Variants in ANKRD30A observed in about 807,000 individuals in gnomAD.
The protein encoded by ANKRD30A is ankyrin repeat domain 30A, also known as ankyrin repeat domain-containing protein 30A.
A neutral mutation model predicts 166.3 loss-of-function variants in ANKRD30A; 170 were observed. That is an observed-to-expected ratio of 1.02 (90% CI 0.90 to 1.16). The LOEUF is 1.16. Ranked by LOEUF, ANKRD30A falls within the 50% of genes most tolerant of loss-of-function variation. The probability of loss-of-function intolerance (pLI) is 0.00; values close to 1 mark genes in which losing one functional copy is unlikely to be tolerated. For synonymous variants in ANKRD30A, 564 were observed against 508.9 expected (o/e 1.11, Z -1.46); for missense variants, 1,630 against 1,518.0 (o/e 1.07, Z -1.23).
the ANKRD30A span, among the ~76,000 whole-genome samples, chr10:37,251,940 T>C: frequency 6.6e-6 from 1 of 152,156 alleles, no homozygotes; most frequent in African/African-American, 2.4e-5. Flanking sequence ...TGGTTGCTCC[T>C]AGCCTTTGAT....
chr10:37,161,563 A>G (rs1349606699), intron 15 of ANKRD30A, among the ~76,000 whole-genome samples: 1 of 152,196 alleles, frequency 6.6e-6, no homozygotes, highest in Non-Finnish European at 1.5e-5. Flanking sequence ...TGAGAAGAAC[A>G]GTTGAGTGAA....
At chr10:37,160,091 A>G (rs1838736811) in intron 15 of ANKRD30A, among the ~76,000 whole-genome samples, 1 of 152,202 alleles carries the variant, frequency 6.6e-6, no homozygotes, top group Non-Finnish European at 1.5e-5. Flanking sequence ...TGGACCCAAT[A>G]CAATTAGCTC....
chr10:37,131,840 A>G (rs931775337), intron 3 of ANKRD30A, among the ~76,000 whole-genome samples: 1 of 152,224 alleles, frequency 6.6e-6, no homozygotes, highest in African/African-American at 2.4e-5. Flanking sequence ...GCTTCTGGTA[A>G]GGTAATTATT....
intron 4 of ANKRD30A, 40 bp from the exon 5 acceptor site, chr10:37,133,876 T>A (rs756938689): frequency 6.2e-7 from 1 of 1,606,852 alleles, no homozygotes; most frequent in Non-Finnish European, 8.5e-7. Flanking sequence ...ATTAAATTGG[T>A]TCTGCTCATA....
chr10:37,257,338 A>G, the ANKRD30A span, among the ~76,000 whole-genome samples: 1 of 150,452 alleles, frequency 6.6e-6, no homozygotes. Flanking sequence ...ATCTTTTCAA[A>G]AAAAAAAACA....
At position 37,196,376 on chromosome 10, in the gene ANKRD30A, T is replaced by C. The variant is rs577533990; in HGVS notation, c.2615-905T>C. ...ATATATATTTTGTTGATGTTAGCTA[T>C]TGAAATGAGATATATTGGAAACTAA... is the stretch of plus-strand genomic sequence containing the variant. On this transcript the variant is annotated intron_variant, in intron 27 of 35. Coordinates refer to ENST00000361713, the MANE Select transcript of ANKRD30A (RefSeq NM_052997.3). Among the ~76,000 whole-genome samples, 138 of 152,244 alleles carry C rather than the reference T, an allele frequency of 9.1e-4. 1 individual carries two copies. The highest frequency in any genetic ancestry group is 3.3e-3 in the African/African-American group (135 of 41,528).
chr10:37,196,590 T>G (rs1432378628), intron 27 of ANKRD30A, among the ~76,000 whole-genome samples: 2 of 152,206 alleles, frequency 1.3e-5, no homozygotes, highest in Non-Finnish European at 2.9e-5. Flanking sequence ...TTAAAAAAGT[T>G]ATTTATGTTT....
rs575667387 is a variant in ANKRD30A, at chr10:37,219,782, T to A, written c.4070T>A (p.Leu1357His). The change falls in exon 34 of 36, where the codon CTT (leucine) becomes CAT (histidine). Residue 1357 changes from leucine (L) to histidine (H), a missense_variant. Physicochemically the swap from Leu to His is moderately conservative, Grantham distance 99. Coordinates refer to ENST00000361713, the MANE Select transcript of ANKRD30A (RefSeq NM_052997.3). ...KSKITIDIHF[L>H]ERKMQHHLLK... Reference sequence around the variant, plus strand: ...AAGATAACAATTGATATTCATTTTCTTGAGAGGAAAATGCAACATCATCTC... The same window carrying A: ...AAGATAACAATTGATATTCATTTTCATGAGAGGAAAATGCAACATCATCTC... 6.2e-7 allele frequency: 1 copy of A among 1,607,716 alleles called. No homozygotes were observed. Among genetic ancestry groups the A allele is most frequent in the Admixed American group, 1.7e-5 (1 of 59,402 alleles).
chr10:37,198,281 G>A (rs1217020739), intron 29 of ANKRD30A, among the ~76,000 whole-genome samples: 1 of 151,944 alleles, frequency 6.6e-6, no homozygotes, highest in Non-Finnish European at 1.5e-5. Context: ...GCAGTGTAAT[G>A]TTCGGCAACA....
the ANKRD30A span, among the ~76,000 whole-genome samples, chr10:37,257,968 G>T: frequency 6.6e-6 from 1 of 152,134 alleles, no homozygotes; most frequent in Non-Finnish European, 1.5e-5. Context: ...CTTGTCAGGG[G>T]TTGGAGGGGA....
At chr10:37,183,341 T>C (rs1489037597) in intron 24 of ANKRD30A, among the ~76,000 whole-genome samples, 1 of 144,698 alleles carries the variant, frequency 6.9e-6, no homozygotes, top group African/African-American at 2.5e-5. Context: ...TTATGTGAAC[T>C]ATTAGGCCCC....
intron 13 of ANKRD30A, among the ~76,000 whole-genome samples, chr10:37,157,218 G>A (rs1838454918): frequency 6.6e-6 from 1 of 152,172 alleles, no homozygotes; most frequent in African/African-American, 2.4e-5. Flanking sequence ...ACCTGGCACG[G>A]TGTAACAAAT....
At chr10:37,236,959 T>C (rs1843697157), downstream of ANKRD30A, among the ~76,000 whole-genome samples, 1 of 152,236 alleles carries the variant, frequency 6.6e-6, no homozygotes, top group African/African-American at 2.4e-5. Flanking sequence ...ATAGATTATA[T>C]TGACTACCAC....
At chr10:37,160,524 G>A (rs909128095) in intron 15 of ANKRD30A, among the ~76,000 whole-genome samples, 1 of 152,074 alleles carries the variant, frequency 6.6e-6, no homozygotes, top group African/African-American at 2.4e-5. Flanking sequence ...AAATGCATAA[G>A]GTTCTAAAGT....
the ANKRD30A span, among the ~76,000 whole-genome samples, chr10:37,260,809 A>T: frequency 1.0e-3 from 157 of 152,308 alleles, 3 homozygotes; most frequent in South Asian, 4.6e-3. Flanking sequence ...ATAAAACTAA[A>T]TACCACATGT....
chr10:37,214,510 T>C (rs1842502504), intron 31 of ANKRD30A, among the ~76,000 whole-genome samples: 1 of 149,538 alleles, frequency 6.7e-6, no homozygotes, highest in African/African-American at 2.4e-5. Flanking sequence ...TTCAGACTAG[T>C]TTAGTAATTT....
intron 6 of ANKRD30A, among the ~76,000 whole-genome samples, chr10:37,139,467 C>T (rs1366313148): frequency 6.6e-6 from 1 of 152,204 alleles, no homozygotes; most frequent in Non-Finnish European, 1.5e-5. Context: ...CATGGGTGAT[C>T]AAAGGTTAGT....
intron 6 of ANKRD30A, among the ~76,000 whole-genome samples, chr10:37,139,925 C>G (rs1034644276): frequency 1.3e-5 from 2 of 152,190 alleles, no homozygotes; most frequent in African/African-American, 4.8e-5. Context: ...ATGAAAATCT[C>G]TTTCTTTTGA....
At chr10:37,150,690 T>A (rs1388121682) in intron 11 of ANKRD30A, among the ~76,000 whole-genome samples, 1 of 152,126 alleles carries the variant, frequency 6.6e-6, no homozygotes, top group Non-Finnish European at 1.5e-5. Flanking sequence ...CTGTGTTTTT[T>A]AATATTAGGT....
Sources: gnomAD v4.1 joint callset for allele counts (sites outside exome capture counted in the v4.1 genomes callset) on GRCh38, gnomAD v4.1.1 for gene constraint, MANE v1.5 for transcripts, NCBI Gene and HGNC (gene_info 2026-07-23, HGNC 2026-07-21) for gene names.